The following FHL1 variants were observed in gnomAD, a reference collection of about 807,000 sequenced individuals.
FHL1 encodes four and a half LIM domains protein 1.
A neutral mutation model predicts 20.3 loss-of-function variants in FHL1; 1 was observed. The ratio of observed to expected loss-of-function variants is 0.05; its 90% CI spans 0.02 to 0.23. The LOEUF (loss-of-function observed/expected upper bound fraction) is 0.23. Ranked by LOEUF, FHL1 falls within the 10% of genes least tolerant of loss-of-function variation. FHL1 has a pLI of 1.00. For missense variants in FHL1, 177 were observed against 234.0 expected, an observed-to-expected ratio of 0.76 and a Z score of 1.59; for synonymous variants, 82 against 88.9, an observed-to-expected ratio of 0.92 and a Z score of 0.44.
At chrX:136,181,283 T>A (rs2073152096) in intron 2 of FHL1, among the ~76,000 whole-genome samples, 1 of 111,934 alleles carries the variant, frequency 8.9e-6, no homozygotes, top group Admixed American at 9.5e-5. Context: ...TATTTAGATT[T>A]TTTTTTCTAG....
At chrX:136,156,311 T>G (rs2072416477) in intron 1 of FHL1, among the ~76,000 whole-genome samples, 1 of 106,420 alleles carries the variant, frequency 9.4e-6, no homozygotes, top group African/African-American at 3.5e-5. Context: ...AGACGGAGTT[T>G]CGCTCTTGTT....
intron 2 of FHL1, among the ~76,000 whole-genome samples, chrX:136,181,977 A>G (rs2073169062): frequency 8.9e-6 from 1 of 112,363 alleles, no homozygotes; most frequent in African/African-American, 3.2e-5. Context: ...CAGTACACAA[A>G]TGTGACTAAA....
At chrX:136,201,349 A>T (rs1222766478) in intron 1 of FHL1, among the ~76,000 whole-genome samples, 1 of 111,822 alleles carries the variant, frequency 8.9e-6, no homozygotes, top group Non-Finnish European at 1.9e-5. Context: ...GGCTGTCCGC[A>T]TGCCCAGTGG....
intron 2 of FHL1, among the ~76,000 whole-genome samples, chrX:136,186,871 TATATATATATAGATAG>T (rs1269323366): frequency 0.05 from 2,964 of 58,836 alleles, 131 homozygotes; most frequent in African/African-American, 0.15. Flanking sequence ...AAAAAATATA[TATATATATATAGATAG>T]ATAGATAGAT....
At chrX:136,161,605 G>C (rs755322071) in intron 1 of FHL1, among the ~76,000 whole-genome samples, 1 of 112,001 alleles carries the variant, frequency 8.9e-6, no homozygotes, top group Non-Finnish European at 1.9e-5. Context: ...GGCCACATGC[G>C]TGCTGATATG....
intron 2 of FHL1, among the ~76,000 whole-genome samples, chrX:136,189,957 A>C (rs1381497681): frequency 8.9e-6 from 1 of 112,199 alleles, no homozygotes; most frequent in Non-Finnish European, 1.9e-5. Flanking sequence ...AGCCTTCAAA[A>C]ATAGTTATGG....
intron 2 of FHL1, among the ~76,000 whole-genome samples, chrX:136,187,778 G>C (rs1464207576): frequency 8.9e-6 from 1 of 111,809 alleles, no homozygotes; most frequent in East Asian, 2.8e-4. Context: ...TCAGATGGTG[G>C]TAATGATTGA....
At chrX:136,154,627 A>G (rs1263943717) in intron 1 of FHL1, among the ~76,000 whole-genome samples, 1 of 112,507 alleles carries the variant, frequency 8.9e-6, no homozygotes, top group Admixed American at 9.4e-5. Context: ...ACTAAGGTCA[A>G]AAGTTAAATT....
upstream of FHL1, among the ~76,000 whole-genome samples, chrX:136,194,101 G>A (rs756437661): frequency 1.8e-5 from 2 of 111,164 alleles, no homozygotes; most frequent in Non-Finnish European, 3.8e-5. Flanking sequence ...GTCAAATGCC[G>A]TGACATCCAT....
chrX:136,162,865 A>T (rs142448330), intron 1 of FHL1, among the ~76,000 whole-genome samples: 2,760 of 112,322 alleles, frequency 0.025, 89 homozygotes, highest in African/African-American at 0.085. Context: ...CTGAGACTGG[A>T]TACCTTATAA....
rs373627805 is a variant in FHL1 at position 136,177,409 on chromosome X, T to A, written c.-27+7429T>A. Among the ~76,000 whole-genome samples the A allele has an allele frequency of 2.7e-5, 3 of 111,867 alleles. No homozygotes were observed. The East Asian group carries it at 8.4e-4, about 31-fold the overall frequency. ...GTGAAATGAGGACATAGATATCTGA[T>A]CTCTAAGGTAGGTAGAGTCAAACCA... On this transcript the variant is annotated intron_variant, in intron 2 of 6. Coordinates refer to the FHL1 transcript ENST00000394153.
At chrX:136,176,955 A>G (rs1270256514) in intron 2 of FHL1, among the ~76,000 whole-genome samples, 1 of 108,389 alleles carries the variant, frequency 9.2e-6, no homozygotes, top group Non-Finnish European at 1.9e-5. Context: ...ATTCTTACAC[A>G]GTCTTCAACC....
In FHL1 at chrX:136,210,194, A is replaced by G. The variant is rs1323148789; in HGVS notation, c.*169A>G. 1 of 753,435 alleles carries G rather than the reference A, an allele frequency of 1.3e-6. No homozygotes were observed. The allele number at this position is 753,435 out of a possible 1,213,427, so 62.1% of individuals were successfully genotyped here. On this transcript the variant is annotated 3_prime_UTR_variant, in exon 6 of 6. Coordinates refer to ENST00000370683, the MANE Select transcript of FHL1 (RefSeq NM_001159699.2). ...ATTACTCAAATAAGGGCACACAGTGATCATATTAGCATTTAGCAAAAAGCA... is the reference window on the plus strand; with the variant it reads ...ATTACTCAAATAAGGGCACACAGTGGTCATATTAGCATTTAGCAAAAAGCA...
chrX:136,170,208 A>G (rs763964676), intron 2 of FHL1, among the ~76,000 whole-genome samples: 4 of 111,996 alleles, frequency 3.6e-5, no homozygotes, highest in African/African-American at 1.3e-4. Flanking sequence ...ATGAAAAGGG[A>G]ATTTGCCAGG....
chrX:136,195,483 G>A (rs985507210), upstream of FHL1, among the ~76,000 whole-genome samples: 41 of 112,518 alleles, frequency 3.6e-4, no homozygotes, highest in African/African-American at 1.3e-3. Context: ...CAGGCTGGAT[G>A]AGAAAGAGAC....
At chrX:136,160,002 C>T (rs189711954) in intron 1 of FHL1, among the ~76,000 whole-genome samples, 2 of 112,562 alleles carry the variant, frequency 1.8e-5, no homozygotes, top group East Asian at 5.6e-4. Flanking sequence ...AACTTCCATG[C>T]ACTTACTCAG....
upstream of FHL1, among the ~76,000 whole-genome samples, chrX:136,196,081 G>A (rs2073548905): frequency 8.9e-6 from 1 of 112,007 alleles, no homozygotes; most frequent in African/African-American, 3.2e-5. Flanking sequence ...AGCAAAGCAG[G>A]AGATCAGACA....
At chrX:136,159,551 CATAA>C (rs1051400239) in intron 1 of FHL1, among the ~76,000 whole-genome samples, 39 of 111,529 alleles carry the variant, frequency 3.5e-4, no homozygotes, top group African/African-American at 1.2e-3. Context: ...TAAATAAATA[CATAA>C]ATAAATAAAT....
upstream of FHL1, chrX:136,196,911 C>G: frequency 9.0e-7 from 1 of 1,107,797 alleles, no homozygotes; most frequent in Non-Finnish European, 1.2e-6. Context: ...TATTCTTCTC[C>G]CTTGGATCAC....
Sources: gnomAD v4.1 joint callset for allele counts (sites outside exome capture counted in the v4.1 genomes callset) on GRCh38, gnomAD v4.1.1 for gene constraint, MANE v1.5 for transcripts, NCBI Gene and HGNC (gene_info 2026-07-23, HGNC 2026-07-21) for gene names.